POLR2B: variants seen among roughly 807,000 people sequenced by gnomAD.
POLR2B encodes DNA-directed RNA polymerase II subunit RPB2.
POLR2B carries 57 observed loss-of-function variants against 144.6 expected under a neutral mutation model. The observed-to-expected ratio is 0.39, with a 90% CI of 0.32 to 0.49. The LOEUF (loss-of-function observed/expected upper bound fraction) is 0.49, where lower values mean the gene tolerates loss of function less well. Ranked by LOEUF, POLR2B falls within the 20% of genes least tolerant of loss-of-function variation. The probability of loss-of-function intolerance (pLI) is 0.83; values close to 1 mark genes in which losing one functional copy is unlikely to be tolerated. For missense variants in POLR2B, 595 were observed against 1,467.4 expected (o/e 0.41, Z 9.71); for synonymous variants, 442 against 469.8 (o/e 0.94, Z 0.77).
At chr4:56,981,095 G>A (rs533890283) in intron 1 of POLR2B, among the ~76,000 whole-genome samples, 1 of 152,186 alleles carries the variant, frequency 6.6e-6, no homozygotes, top group South Asian at 2.1e-4. Context: ...GAACCTCCAA[G>A]CCCAGCCTCC....
chr4:57,019,591 A>G (rs1268213542), intron 16 of POLR2B, among the ~76,000 whole-genome samples: 2 of 152,144 alleles, frequency 1.3e-5, no homozygotes, highest in East Asian at 1.9e-4. Flanking sequence ...CCTGAACCAC[A>G]TGAGAGTAAG....
intron 13 of POLR2B, among the ~76,000 whole-genome samples, chr4:57,013,060 C>T (rs1053699797): frequency 6.6e-6 from 1 of 152,058 alleles, no homozygotes. Flanking sequence ...AGCCTGGTCT[C>T]GAACTCCTGA....
At position 56,994,542 on chromosome 4, in the gene POLR2B, C is replaced by G. The variant is rs560279188; in HGVS notation, c.356+26C>G. On this transcript the variant is annotated intron_variant, in intron 4 of 24. Transcript: ENST00000314595. ...GTAAGAAAGAATTTTTCCTTGTCAGCAGTAGATACTGAAATAGAATTTTGA... is the reference window on the plus strand; with the variant it reads ...GTAAGAAAGAATTTTTCCTTGTCAGGAGTAGATACTGAAATAGAATTTTGA... The G allele has an allele frequency of 3.8e-5, 56 of 1,460,588 alleles. 2 individuals are homozygous for G. The South Asian group carries it at 6.1e-4, about 16-fold the overall frequency. 90.5% of individuals were successfully genotyped at this position (1,460,588 alleles called of 1,614,324 possible).
intron 13 of POLR2B, among the ~76,000 whole-genome samples, chr4:57,013,333 T>A (rs1723256639): frequency 6.6e-6 from 1 of 152,076 alleles, no homozygotes; most frequent in African/African-American, 2.4e-5. Context: ...AGAGAGTGAT[T>A]CACTTGAGGG....
chr4:57,015,372 G>A (rs1578584368), intron 13 of POLR2B, 130 bp from the exon 14 acceptor site: 1 of 439,804 alleles, frequency 2.3e-6, no homozygotes, highest in East Asian at 3.6e-5. Context: ...GGTAAACTAA[G>A]ATTTGCACAT....
chr4:57,019,590 C>T (rs1220306789), intron 16 of POLR2B, among the ~76,000 whole-genome samples: 2 of 152,160 alleles, frequency 1.3e-5, no homozygotes, highest in Non-Finnish European at 2.9e-5. Context: ...TCCTGAACCA[C>T]ATGAGAGTAA....
rs779693970 is a variant in POLR2B, at chr4:56,990,904, A to T, written c.243+6A>T. The T allele has an allele frequency of 4.3e-5, 69 of 1,605,966 alleles. No homozygotes were observed. Among genetic ancestry groups the T allele is most frequent in the Non-Finnish European group, 5.6e-5 (66 of 1,176,990 alleles). Reference sequence around the variant, plus strand: ...GTGGAGAAGTTGAAGAACCGGTAAGATAGTTCTAATAGTTACACAGGTACA... The same window carrying T: ...GTGGAGAAGTTGAAGAACCGGTAAGTTAGTTCTAATAGTTACACAGGTACA... On this transcript the variant is annotated splice_donor_region_variant and intron_variant, in intron 3 of 24. Coordinates refer to ENST00000314595, the MANE Select transcript of POLR2B (RefSeq NM_000938.3).
At chr4:57,018,851 T>A (rs564201815) in intron 16 of POLR2B, among the ~76,000 whole-genome samples, 2 of 152,224 alleles carry the variant, frequency 1.3e-5, no homozygotes, top group East Asian at 3.9e-4. Flanking sequence ...TCCAGGTTTG[T>A]AGGAGATTCT....
chr4:57,005,341 A>G lies in POLR2B; in HGVS notation c.996A>G (p.Lys332=), dbSNP rs756220573. 6.2e-7 allele frequency: 1 copy of G among 1,610,222 alleles called. No homozygotes were observed. The highest frequency in any genetic ancestry group is 1.7e-5 in the Admixed American group (1 of 59,484). Residue 332 remains lysine (K), a synonymous_variant, in exon 8 of 25, where the codon AAA becomes AAG. Transcript: ENST00000314595. ...GSRGAKPGVT[K]EKRIKYAKEV... Reference sequence around the variant, plus strand: ...GAGGAGCAAAGCCTGGTGTTACTAAAGAGAAAAGAATTAAATATGCAAAGG... The same window carrying G: ...GAGGAGCAAAGCCTGGTGTTACTAAGGAGAAAAGAATTAAATATGCAAAGG...
At chr4:56,992,492 A>AAAAAAAAAAAG (rs760090936) in intron 3 of POLR2B, among the ~76,000 whole-genome samples, 5 of 88,482 alleles carry the variant, frequency 5.7e-5, no homozygotes, top group African/African-American at 2.3e-4. Context: ...AAAAAAAAAA[A>AAAAAAAAAAAG]GAAAAGAAAA....
In POLR2B at chr4:57,017,441, A is replaced by G. The variant is rs41547621; in HGVS notation, c.2155-119A>G. 9 of 875,730 alleles carry G rather than the reference A, an allele frequency of 1.0e-5. No homozygotes were observed. The highest frequency in any genetic ancestry group is 5.2e-5 in the South Asian group (3 of 57,276). 54.2% of individuals were successfully genotyped at this position (875,730 alleles called of 1,614,324 possible). ...TGATTATTCCAAATGGTTATTACTT[A>G]CTGTTTTTGAAAAAAATCAGGAGTT... On this transcript the variant is annotated intron_variant, in intron 15 of 24. Transcript: ENST00000314595. This position sits in a 1 kb window ranked among gnomAD's most constrained non-coding sequence, Gnocchi z 4.8.
chr4:57,010,127 T>G, intron 10 of POLR2B: 1 of 423,502 alleles, frequency 2.4e-6, no homozygotes, highest in Non-Finnish European at 4.2e-6. Flanking sequence ...GTCCTAGTGT[T>G]TGTTTGGAGA....
intron 17 of POLR2B, among the ~76,000 whole-genome samples, chr4:57,021,598 C>T (rs148266376): frequency 4.1e-4 from 61 of 149,726 alleles, no homozygotes; most frequent in Middle Eastern, 3.4e-3. Context: ...AAGAGATTCT[C>T]CTACCTCAGC....
At chr4:57,012,025 A>T (rs972116639) in intron 13 of POLR2B, among the ~76,000 whole-genome samples, 5 of 152,232 alleles carry the variant, frequency 3.3e-5, no homozygotes, top group African/African-American at 1.2e-4. Context: ...GAGATTCATT[A>T]ATAAAATGTG....
chr4:56,984,305 A>G (rs1237371300), intron 1 of POLR2B, among the ~76,000 whole-genome samples: 1 of 148,148 alleles, frequency 6.8e-6, no homozygotes, highest in Non-Finnish European at 1.5e-5. Context: ...TCTCCCACCC[A>G]TTTGTTAATG....
chr4:57,017,792 C>A lies in POLR2B; in HGVS notation c.2323+64C>A. The A allele has an allele frequency of 8.5e-7, 1 of 1,170,174 alleles. No individual in the cohort carries two copies. The highest frequency in any genetic ancestry group is 1.2e-6 in the Non-Finnish European group (1 of 821,058). The allele number at this position is 1,170,174 out of a possible 1,614,324, so 72.5% of individuals were successfully genotyped here. A position where few individuals can be genotyped will look rare whatever the true frequency, so the allele number is the denominator to read the frequency against. On this transcript the variant is annotated intron_variant, in intron 16 of 24. Transcript: ENST00000314595. The surrounding 1 kb of genome is among the most constrained non-coding windows in gnomAD (Gnocchi z 4.8). ...TGTGCTTAAGGCACTTTTCTGGGTG[C>A]TTGGGAGGATTAAAAAATAAATATG... is the stretch of plus-strand genomic sequence containing the variant.
At chr4:56,996,684 G>A (rs529190011) in intron 6 of POLR2B, among the ~76,000 whole-genome samples, 2 of 152,200 alleles carry the variant, frequency 1.3e-5, no homozygotes, top group Non-Finnish European at 2.9e-5. Context: ...TAGCATACCT[G>A]TCACCTCAAG....
Position 56,994,409 on chromosome 4 carries a change from A to G in POLR2B, c.249A>G (p.Arg83=), listed in dbSNP as rs1722615458. Residue 83 remains arginine, a synonymous_variant, in exon 4 of 25, where the codon CGA becomes CGG. Coordinates refer to ENST00000314595, the MANE Select transcript of POLR2B (RefSeq NM_000938.3). ...GTTTTTTTGTTTAATTTCAGCCACG[A>G]TATTTGCTGAAGTTTGAACAAATTT... ...HASGEVEEPP[R]YLLKFEQIYL... 6.4e-7 allele frequency: 1 copy of G among 1,560,268 alleles called. No homozygotes were observed. Among genetic ancestry groups the G allele is most frequent in the Non-Finnish European group, 8.8e-7 (1 of 1,134,514 alleles).
chr4:57,005,784 C>A, intron 9 of POLR2B, 65 bp downstream of exon 9: 1 of 1,460,638 alleles, frequency 6.8e-7, no homozygotes, highest in Non-Finnish European at 9.5e-7. Flanking sequence ...TTGATCATTG[C>A]ATATGGCCAG....
Sources: gnomAD v4.1 joint callset for allele counts (sites outside exome capture counted in the v4.1 genomes callset) on GRCh38, gnomAD v4.1.1 for gene constraint, Gnocchi (gnomAD v3.1) non-coding constraint, MANE v1.5 for transcripts, NCBI Gene and HGNC (gene_info 2026-07-23, HGNC 2026-07-21) for gene names.